ABCA13: variants seen among roughly 807,000 people sequenced by gnomAD.
ABCA13 encodes the protein ATP binding cassette subfamily A member 13.
ABCA13 carries 476 observed loss-of-function variants against 478.7 expected under a neutral mutation model. The ratio of observed to expected loss-of-function variants is 0.99; its 90% confidence interval spans 0.92 to 1.07. ABCA13 has a LOEUF of 1.07. Among genes scored for constraint, ABCA13 ranks in the 50% least tolerant of loss-of-function variants. The pLI is 0.00. For missense variants in ABCA13, 6,060 were observed against 5,910.6 expected, an observed-to-expected ratio of 1.03 and a Z score of -0.83; for synonymous variants, 2,252 against 2,158.9, an observed-to-expected ratio of 1.04 and a Z score of -1.20.
At chr7:48,458,499 A>G (rs1426428233) in intron 43 of ABCA13, among the ~76,000 whole-genome samples, 2 of 152,218 alleles carry the variant, frequency 1.3e-5, no homozygotes, top group Admixed American at 6.5e-5. Context: ...TCATGAATGC[A>G]TTAGCTTTGT....
intron 1 of ABCA13, among the ~76,000 whole-genome samples, chr7:48,187,081 C>T (rs1373976737): frequency 6.7e-6 from 1 of 148,814 alleles, no homozygotes; most frequent in Non-Finnish European, 1.5e-5. Flanking sequence ...CTATATATAT[C>T]ACAAATATAT....
intron 38 of ABCA13, among the ~76,000 whole-genome samples, chr7:48,396,815 C>T (rs1008207502): frequency 5.5e-4 from 84 of 152,242 alleles, no homozygotes; most frequent in African/African-American, 1.9e-3. Flanking sequence ...CAGTGGGGAA[C>T]GTGTGGATGA....
chr7:48,296,061 A>G (rs979193057), intron 21 of ABCA13, among the ~76,000 whole-genome samples, 198 bp downstream of exon 21: 1 of 152,194 alleles, frequency 6.6e-6, no homozygotes, highest in African/African-American at 2.4e-5. Flanking sequence ...CATTAATCAG[A>G]AGGCTAACTT....
At chr7:48,496,226 A>G (rs1332068652) in intron 48 of ABCA13, among the ~76,000 whole-genome samples, 1 of 152,018 alleles carries the variant, frequency 6.6e-6, no homozygotes, top group East Asian at 1.9e-4. Context: ...ATTTATTTAT[A>G]GTATTTTTAA....
chr7:48,277,815 C>T (rs1462589913), intron 17 of ABCA13, among the ~76,000 whole-genome samples: 1 of 152,102 alleles, frequency 6.6e-6, no homozygotes, highest in Non-Finnish European at 1.5e-5. Context: ...GCCCTTTTAA[C>T]CTTTTTCATA....
intron 15 of ABCA13, among the ~76,000 whole-genome samples, chr7:48,266,551 A>G (rs1794896122): frequency 6.6e-6 from 1 of 151,642 alleles, no homozygotes; most frequent in South Asian, 2.1e-4. Flanking sequence ...TGGTAATAGC[A>G]CCTTTCTCAT....
intron 27 of ABCA13, among the ~76,000 whole-genome samples, chr7:48,334,966 A>G (rs1806012834): frequency 6.6e-6 from 1 of 152,210 alleles, no homozygotes; most frequent in African/African-American, 2.4e-5. Flanking sequence ...CTGATACCAA[A>G]TTATTTTATA....
chr7:48,342,161 A>C (rs1807342053), intron 29 of ABCA13, among the ~76,000 whole-genome samples: 1 of 151,924 alleles, frequency 6.6e-6, no homozygotes, highest in South Asian at 2.1e-4. Flanking sequence ...AATGACTTCC[A>C]GCTTTACTTC....
Position 48,239,374 on chromosome 7 carries a change from A to G in ABCA13, c.1031A>G (p.His344Arg). 2.5e-6 allele frequency: 4 copies of G among 1,613,776 alleles called. No individual in the cohort carries two copies. Among genetic ancestry groups the G allele is most frequent in the Non-Finnish European group, 3.4e-6 (4 of 1,179,756 alleles). ...KWSEAKNYLV[H>R]AVSWLRVYQQ... ...TCAGAAGCCAAAAACTATCTTGTCC[A>G]TGCAGTCAGCTGGCTGCGAGTCTAC... The change falls in exon 9 of 62, where the codon CAT becomes CGT. Residue 344 changes from histidine to arginine, a missense_variant. His to Arg is a conservative substitution (Grantham distance 29). Transcript: ENST00000435803.
At chr7:48,502,708 C>G (rs778007411) in intron 48 of ABCA13, among the ~76,000 whole-genome samples, 1 of 152,206 alleles carries the variant, frequency 6.6e-6, no homozygotes, top group Non-Finnish European at 1.5e-5. Context: ...GGAACATTTC[C>G]TAAATATCTG....
intron 5 of ABCA13, among the ~76,000 whole-genome samples, chr7:48,224,793 G>A (rs1006564154): frequency 1.3e-5 from 2 of 152,006 alleles, no homozygotes; most frequent in African/African-American, 4.8e-5. Flanking sequence ...AAAAGTCAGC[G>A]CCATATTTTA....
Position 48,433,637 on chromosome 7 carries a change from T to C in ABCA13, c.12565+5766T>C, listed in dbSNP as rs529106024. Among the ~76,000 whole-genome samples the C allele has an allele frequency of 3.3e-5, 5 of 152,090 alleles. No homozygotes were observed. In the South Asian group the frequency reaches 1.0e-3, roughly 32 times the overall value. On this transcript the variant is annotated intron_variant, in intron 42 of 61. Coordinates refer to ENST00000435803, the MANE Select transcript of ABCA13 (RefSeq NM_152701.5). ...TCATCATCCATTTCCAGAACTTTTT[T>C]ATCTTCTCAAATTGAAACTCTGTAC...
At chr7:48,345,028 T>C (rs1405674240) in intron 29 of ABCA13, among the ~76,000 whole-genome samples, 2 of 152,194 alleles carry the variant, frequency 1.3e-5, no homozygotes, top group East Asian at 1.9e-4. Context: ...TTAGTCAACA[T>C]TGATCTGCAT....
At chr7:48,631,994 A>G (rs1486722908) in intron 59 of ABCA13, among the ~76,000 whole-genome samples, 1 of 152,144 alleles carries the variant, frequency 6.6e-6, no homozygotes, top group Non-Finnish European at 1.5e-5. Flanking sequence ...TAGCAGTGCT[A>G]CTGATTTGTG....
At chr7:48,582,475 A>G (rs964206912) in intron 56 of ABCA13, among the ~76,000 whole-genome samples, 3 of 152,076 alleles carry the variant, frequency 2.0e-5, no homozygotes, top group African/African-American at 7.2e-5. Context: ...GAACTCATAG[A>G]TATGGGGGTA....
At chr7:48,376,021 A>C (rs1035246347) in intron 34 of ABCA13, among the ~76,000 whole-genome samples, 3 of 152,160 alleles carry the variant, frequency 2.0e-5, no homozygotes, top group Non-Finnish European at 4.4e-5. Flanking sequence ...ATAATTTCCC[A>C]CCCTAGTTCT....
intron 8 of ABCA13, among the ~76,000 whole-genome samples, chr7:48,234,599 C>T (rs1352162702): frequency 1.3e-5 from 2 of 152,176 alleles, no homozygotes; most frequent in Non-Finnish European, 2.9e-5. Context: ...GCTGGGTTCA[C>T]CAAAGTTGAG....
chr7:48,587,313 T>G, intron 57 of ABCA13, 25 bp downstream of exon 57: 1 of 1,580,098 alleles, frequency 6.3e-7, no homozygotes, highest in Non-Finnish European at 8.6e-7. Flanking sequence ...GTCAATATCT[T>G]GGAGTAAGAT....
intron 15 of ABCA13, among the ~76,000 whole-genome samples, chr7:48,262,458 C>G (rs907500799): frequency 1.3e-5 from 2 of 151,824 alleles, no homozygotes; most frequent in Non-Finnish European, 2.9e-5. Flanking sequence ...ATTAACTTTA[C>G]CCTCTTTTGA....
Sources: gnomAD v4.1 joint callset for allele counts (sites outside exome capture counted in the v4.1 genomes callset) on GRCh38, gnomAD v4.1.1 for gene constraint, MANE v1.5 for transcripts, NCBI Gene and HGNC (gene_info 2026-07-23, HGNC 2026-07-21) for gene names.